The following HMGA2 variants were observed in gnomAD, a reference collection of about 807,000 sequenced individuals.
HMGA2 encodes the protein high mobility group protein HMGI-C.
HMGA2 carries 8 observed loss-of-function variants against 19.1 expected under a neutral mutation model. The ratio of observed to expected loss-of-function variants is 0.42; its 90% CI spans 0.25 to 0.76. HMGA2 has a LOEUF of 0.76. Among genes scored for constraint, HMGA2 ranks in the 30% least tolerant of loss-of-function variants. The probability of loss-of-function intolerance (pLI) is 0.28; values close to 1 mark genes in which losing one functional copy is unlikely to be tolerated. For missense variants in HMGA2, 109 were observed against 136.3 expected (o/e 0.80, Z 1.00); for synonymous variants, 60 against 48.8 (o/e 1.23, Z -0.96).
intron 2 of HMGA2, among the ~76,000 whole-genome samples, chr12:65,833,007 T>C (rs1274549849): frequency 6.6e-6 from 1 of 152,064 alleles, no homozygotes; most frequent in Non-Finnish European, 1.5e-5. Flanking sequence ...TACATGAAGA[T>C]AAGCATGTGC....
chr12:65,843,457 G>C (rs1365366920), intron 3 of HMGA2: 1 of 196,002 alleles, frequency 5.1e-6, no homozygotes, highest in East Asian at 8.0e-5. Flanking sequence ...TAGAAATCTA[G>C]AAATTTAAGT....
At chr12:65,872,430 T>C (rs1015967285) in intron 3 of HMGA2, among the ~76,000 whole-genome samples, 5 of 152,316 alleles carry the variant, frequency 3.3e-5, no homozygotes, top group South Asian at 2.1e-4. Flanking sequence ...CTATTTTTCA[T>C]TCCATGTGTT....
intron 3 of HMGA2, among the ~76,000 whole-genome samples, chr12:65,907,423 A>G (rs1874643301): frequency 6.6e-6 from 1 of 151,682 alleles, no homozygotes; most frequent in African/African-American, 2.4e-5. Flanking sequence ...AAAAAAAAAA[A>G]AAAAAAAAGG....
intron 3 of HMGA2, among the ~76,000 whole-genome samples, chr12:65,866,209 G>A (rs1017755479): frequency 3.3e-5 from 5 of 152,140 alleles, no homozygotes; most frequent in Non-Finnish European, 7.4e-5. Flanking sequence ...CTAGATATTT[G>A]GAGAGACACT....
chr12:65,833,436 T>A (rs1371769957), intron 2 of HMGA2, among the ~76,000 whole-genome samples: 16 of 150,826 alleles, frequency 1.1e-4, no homozygotes, highest in Admixed American at 6.6e-5. Flanking sequence ...TTGGTACAGA[T>A]GCACTGATGG....
Position 65,966,257 on chromosome 12 carries a change from C to T in HMGA2, c.*2965C>T, listed in dbSNP as rs867088488. 1 of 188,414 alleles carries T rather than the reference C, an allele frequency of 5.3e-6. No homozygotes were observed. The highest frequency in any genetic ancestry group is 1.1e-5 in the Non-Finnish European group (1 of 89,298). 11.7% of individuals were successfully genotyped at this position (188,414 alleles called of 1,614,324 possible). On this transcript the variant is annotated 3_prime_UTR_variant, in exon 5 of 5. Transcript: ENST00000403681. Reference sequence around the variant, plus strand: ...TTGATTCCTGCTCTTTGTTACAGTTCCATTAAATGAGTAATAAAGTTTGGT... The same window carrying T: ...TTGATTCCTGCTCTTTGTTACAGTTTCATTAAATGAGTAATAAAGTTTGGT...
Position 65,966,006 on chromosome 12 carries a change from T to C in HMGA2, c.*2714T>C, listed in dbSNP as rs999306302. ...GGACATTTAACTTTTCTACCATTTC[T>C]GCAAGTTAGGTATGTTTGCAGGAGA... On this transcript the variant is annotated 3_prime_UTR_variant, in exon 5 of 5. Transcript: ENST00000403681. The C allele has an allele frequency of 6.3e-5, 14 of 221,452 alleles. No homozygotes were observed. Among genetic ancestry groups the C allele is most frequent in the Admixed American group, 5.8e-5 (1 of 17,352 alleles). The allele number at this position is 221,452 out of a possible 1,614,324, so 13.7% of individuals were successfully genotyped here.
intron 3 of HMGA2, among the ~76,000 whole-genome samples, chr12:65,851,945 A>C: frequency 6.6e-6 from 1 of 152,178 alleles, no homozygotes; most frequent in East Asian, 1.9e-4. Flanking sequence ...TAAAAGAGGG[A>C]TAATAATTGT....
chr12:65,853,396 T>G (rs1346359453), intron 3 of HMGA2, among the ~76,000 whole-genome samples: 1 of 152,192 alleles, frequency 6.6e-6, no homozygotes, highest in East Asian at 1.9e-4. Flanking sequence ...AATCTTTTGG[T>G]TTCCTTGCCT....
At chr12:65,905,353 T>C (rs1222994511) in intron 3 of HMGA2, among the ~76,000 whole-genome samples, 1 of 152,206 alleles carries the variant, frequency 6.6e-6, no homozygotes. Context: ...TTCTGCTTAA[T>C]TTTGTTTACG....
At chr12:65,882,434 A>G (rs1394592095) in intron 3 of HMGA2, among the ~76,000 whole-genome samples, 1 of 152,162 alleles carries the variant, frequency 6.6e-6, no homozygotes, top group East Asian at 1.9e-4. Flanking sequence ...AAGCTGCCGC[A>G]GGCTGTGGAA....
chr12:65,869,002 C>T (rs554416406), intron 3 of HMGA2, among the ~76,000 whole-genome samples: 20 of 152,270 alleles, frequency 1.3e-4, no homozygotes, highest in African/African-American at 4.8e-4. Context: ...ATTTCCTCTA[C>T]TTATGCTTTA....
At chr12:65,845,939 T>TC (rs1379435462) in intron 3 of HMGA2, among the ~76,000 whole-genome samples, 1 of 152,044 alleles carries the variant, frequency 6.6e-6, no homozygotes, top group African/African-American at 2.4e-5. Flanking sequence ...TTTTCTCTCC[T>TC]CCCCCCTGCT....
chr12:65,893,331 G>T (rs571988812), intron 3 of HMGA2, among the ~76,000 whole-genome samples: 1 of 152,108 alleles, frequency 6.6e-6, no homozygotes, highest in African/African-American at 2.4e-5. Context: ...GCCATGACAG[G>T]GTACTCCAGA....
chr12:65,920,348 CA>C (rs1371518224), intron 3 of HMGA2, among the ~76,000 whole-genome samples: 1 of 151,768 alleles, frequency 6.6e-6, no homozygotes, highest in Non-Finnish European at 1.5e-5. Context: ...GCCAAGTCCT[CA>C]AAAACATCAA....
chr12:65,838,209 G>T (rs976807644), intron 2 of HMGA2, among the ~76,000 whole-genome samples: 9 of 152,046 alleles, frequency 5.9e-5, no homozygotes, highest in Non-Finnish European at 1.2e-4. Flanking sequence ...AATATGGACA[G>T]AAATAAAAGC....
In HMGA2 at chr12:65,965,438, A is replaced by G. The variant is rs2170201; in HGVS notation, c.*2146A>G. 1 of 204,206 alleles carries G rather than the reference A, an allele frequency of 4.9e-6. No individual in the cohort carries two copies. Among genetic ancestry groups the G allele is most frequent in the Non-Finnish European group, 1.0e-5 (1 of 99,284 alleles). 12.6% of individuals were successfully genotyped at this position (204,206 alleles called of 1,614,324 possible). On this transcript the variant is annotated 3_prime_UTR_variant, in exon 5 of 5. Transcript: ENST00000403681. ...GTTTCTCATGACGGCTTTTGTCAGT[A>G]TGGCTTTTAGTACTGAAGCCAAATG...
intron 3 of HMGA2, chr12:65,842,603 A>T (rs981836373): frequency 5.2e-6 from 8 of 1,535,174 alleles, no homozygotes; most frequent in Non-Finnish European, 7.0e-6. Flanking sequence ...GGAGTTTTAC[A>T]TTGCAGCTTA....
intron 3 of HMGA2, among the ~76,000 whole-genome samples, chr12:65,906,824 C>T (rs933037971): frequency 3.9e-5 from 6 of 152,112 alleles, no homozygotes; most frequent in Non-Finnish European, 7.4e-5. Context: ...TTAGATTGTA[C>T]GTTCTTTGAG....
Sources: allele counts gnomAD v4.1 joint callset (sites outside exome capture counted in the v4.1 genomes callset), GRCh38; gene constraint gnomAD v4.1.1; transcripts MANE v1.5; gene names NCBI Gene and HGNC (gene_info 2026-07-23, HGNC 2026-07-21).